The following MMS19 variants were observed in gnomAD, a reference collection of about 807,000 sequenced individuals.
MMS19 encodes the protein MMS19 cytosolic iron-sulfur assembly component, also known as MMS19 nucleotide excision repair protein homolog.
MMS19 carries 77 observed loss-of-function variants against 129.8 expected under a neutral mutation model. The observed-to-expected ratio is 0.59, with a 90% CI of 0.49 to 0.72. MMS19 has a LOEUF of 0.72. Ranked by LOEUF, MMS19 falls within the 30% of genes least tolerant of loss-of-function variation. MMS19 has a pLI of 0.00. For synonymous variants in MMS19, 491 were observed against 502.8 expected (o/e 0.98, Z 0.31); for missense variants, 1,168 against 1,266.3 (o/e 0.92, Z 1.18).
chr10:97,465,704 GA>G, intron 18 of MMS19, 100 bp downstream of exon 18: 1 of 1,167,242 alleles, frequency 8.6e-7, no homozygotes, highest in African/African-American at 1.5e-5. Flanking sequence ...TAAAAGAGTT[GA>G]TTCTGTTACT....
chr10:97,481,521 C>G (rs183883419), intron 2 of MMS19, among the ~76,000 whole-genome samples: 19 of 152,066 alleles, frequency 1.2e-4, no homozygotes, highest in Admixed American at 1.2e-3. Flanking sequence ...CCACCAAGTT[C>G]CTAGAGTAAA....
rs568364268 is a variant in MMS19, at chr10:97,487,521, G to A, written c.113-3370C>T. The stretch of plus-strand genomic sequence containing the variant: ...TTTTTAGTAGAGATGGGGTTTCACC[G>A]TGTTAGCCAGGATGGTCTCGATCTC... On this transcript the variant is annotated intron_variant, in intron 1 of 30. Transcript: ENST00000438925. Among the ~76,000 whole-genome samples, 26 of 151,976 alleles carry A rather than the reference G, an allele frequency of 1.7e-4. 3 individuals carry two copies. The highest frequency in any genetic ancestry group is 5.3e-4 in the African/African-American group (22 of 41,482).
At position 97,482,264 on chromosome 10, in the gene MMS19, T is replaced by C. The variant is rs117647848; in HGVS notation, c.162-1222A>G. On this transcript the variant is annotated intron_variant, in intron 2 of 30. Coordinates refer to ENST00000438925, the MANE Select transcript of MMS19 (RefSeq NM_022362.5). ...ATGCTCATAGCAGCATTATTAGGAA[T>C]AGCCAAAAAGTGGAAACAATCCAGA... is the stretch of plus-strand genomic sequence containing the variant. 8.1e-3 allele frequency among the ~76,000 whole-genome samples: 1,226 copies of C among 152,242 alleles called. 27 individuals are homozygous for C. Among genetic ancestry groups the C allele is most frequent in the East Asian group, 0.074 (381 of 5,182 alleles).
rs754616008 is a variant in MMS19, at chr10:97,468,953, A to G, written c.1063+13T>C. Reference sequence around the variant, plus strand: ...GTGCTCACTCCCCTTCCTGGCTGCCACGGCCCCATTACCCTGTAGAATGTT... The same window carrying G: ...GTGCTCACTCCCCTTCCTGGCTGCCGCGGCCCCATTACCCTGTAGAATGTT... On this transcript the variant is annotated intron_variant, in intron 12 of 30. Coordinates refer to ENST00000438925, the MANE Select transcript of MMS19 (RefSeq NM_022362.5). 1.3e-6 allele frequency: 2 copies of G among 1,581,056 alleles called. No individual in the cohort carries two copies. Among genetic ancestry groups the G allele is most frequent in the East Asian group, 4.6e-5 (2 of 43,360 alleles).
chr10:97,459,153 T>A, intron 29 of MMS19, 70 bp downstream of exon 29: 1 of 1,498,926 alleles, frequency 6.7e-7, no homozygotes, highest in African/African-American at 1.4e-5. Flanking sequence ...CCCACCTGAC[T>A]AAGGCAAAAA....
Position 97,470,814 on chromosome 10 carries a change from A to C in MMS19, c.732T>G (p.Ser244Arg). The C allele has an allele frequency of 6.2e-7, 1 of 1,613,764 alleles. No individual in the cohort carries two copies. The highest frequency in any genetic ancestry group is 8.5e-7 in the Non-Finnish European group (1 of 1,179,770). ...GTGTAGAAGCCAGCACAGCGCGAAG[A>C]CTCAGGATGAGGTCTTCTCTCTGGA... The part of the protein sequence containing the change: ...HGIQREDLIL[S>R]LRAVLASTPR... Residue 244 changes from serine (S) to arginine (R), a missense_variant, in exon 9 of 31, where the codon AGT becomes AGG. Physicochemically the swap from Ser to Arg is moderately radical, Grantham distance 110 (BLOSUM62 -1). Transcript: ENST00000438925.
chr10:97,459,941 A>G, intron 26 of MMS19, 105 bp downstream of exon 26: 1 of 1,265,634 alleles, frequency 7.9e-7, no homozygotes, highest in Non-Finnish European at 1.1e-6. Flanking sequence ...GGCACAGACC[A>G]CAATATAGCT....
chr10:97,461,226 A>G (rs1313930429), intron 23 of MMS19: 3 of 605,420 alleles, frequency 5.0e-6, no homozygotes, highest in East Asian at 5.6e-5. Context: ...TCTACTTCCA[A>G]TAAAGAATTA....
In MMS19 at chr10:97,460,172, G is replaced by A. The variant is rs759888761; in HGVS notation, c.2530C>T (p.Leu844Phe). Residue 844 changes from leucine (L) to phenylalanine (F), a missense_variant, in exon 26 of 31, where the codon CTC becomes TTC. Physicochemically the swap from Leu to Phe is conservative, Grantham distance 22. Around this residue, in one of 3 missense-constraint regions of MMS19, gnomAD observed 831 missense variants for 910.8 expected, o/e 0.91. Transcript: ENST00000438925. Reference sequence around the variant, plus strand: ...AGCACATCAGTGCAGTCAGACATGAGCAGAGAGAAGCCATCAGCTGCTGCT... The same window carrying A: ...AGCACATCAGTGCAGTCAGACATGAACAGAGAGAAGCCATCAGCTGCTGCT... ...GPAAADGFSL[L>F]MSDCTDVLTR... 1.2e-6 allele frequency: 2 copies of A among 1,614,008 alleles called. No homozygotes were observed. Among genetic ancestry groups the A allele is most frequent in the Non-Finnish European group, 1.7e-6 (2 of 1,179,890 alleles).
chr10:97,466,337 G>A (rs574410040), intron 16 of MMS19, among the ~76,000 whole-genome samples, 167 bp downstream of exon 16: 1 of 152,356 alleles, frequency 6.6e-6, no homozygotes, highest in African/African-American at 2.4e-5. Context: ...GAAGAGAGCA[G>A]TCCTACATCT....
chr10:97,491,006 G>T (rs1323360181), intron 1 of MMS19, among the ~76,000 whole-genome samples: 6 of 152,158 alleles, frequency 3.9e-5, no homozygotes, highest in Non-Finnish European at 8.8e-5. Context: ...ACACTTACAT[G>T]AACTGAAACA....
intron 8 of MMS19, among the ~76,000 whole-genome samples, chr10:97,471,853 AC>A (rs2034775229): frequency 6.6e-6 from 1 of 152,190 alleles, no homozygotes; most frequent in South Asian, 2.1e-4. Flanking sequence ...AAAAGATAAA[AC>A]TGTGGAATTC....
In MMS19 at chr10:97,460,675, TG is replaced by T. The variant is rs1389559815; in HGVS notation, c.2469+19del. 1 of 1,576,220 alleles carries T rather than the reference TG, an allele frequency of 6.3e-7. No homozygotes were observed. The highest frequency in any genetic ancestry group is 1.3e-5 in the African/African-American group (1 of 74,148). Reference sequence around the variant, plus strand: ...AGTTTGTTTAGGTCCTGGGTTCTTCTGTCTCCAGAAAGGACGTACCCGGGCT... The same window carrying T: ...AGTTTGTTTAGGTCCTGGGTTCTTCTTCTCCAGAAAGGACGTACCCGGGCT... On this transcript the variant is annotated intron_variant, in intron 25 of 30. Coordinates refer to ENST00000438925, the MANE Select transcript of MMS19 (RefSeq NM_022362.5).
At chr10:97,480,602 G>C (rs571790442) in intron 3 of MMS19, among the ~76,000 whole-genome samples, 1 of 152,138 alleles carries the variant, frequency 6.6e-6, no homozygotes, top group South Asian at 2.1e-4. Flanking sequence ...TCTTTTTTGA[G>C]ATGGAGTCCC....
At chr10:97,486,861 CCA>C (rs1491478574) in intron 1 of MMS19, among the ~76,000 whole-genome samples, 914 of 15,592 alleles carry the variant, frequency 0.059, 18 homozygotes, top group African/African-American at 0.12. Context: ...AATTAAAGTG[CCA>C]TATATATATA....
At chr10:97,474,409 C>T (rs576034798) in intron 8 of MMS19, among the ~76,000 whole-genome samples, 1 of 152,140 alleles carries the variant, frequency 6.6e-6, no homozygotes, top group African/African-American at 2.4e-5. Flanking sequence ...ATTAGTCAGG[C>T]ATGGTGGCAC....
chr10:97,484,016 C>T, intron 2 of MMS19, 87 bp downstream of exon 2: 4 of 830,684 alleles, frequency 4.8e-6, no homozygotes, highest in Non-Finnish European at 7.9e-6. Flanking sequence ...CAAATTCAGG[C>T]TCCAGGAAAG....
chr10:97,461,373 G>A, intron 23 of MMS19, 123 bp downstream of exon 23: 1 of 1,189,518 alleles, frequency 8.4e-7, no homozygotes, highest in Admixed American at 2.3e-5. Context: ...GACAGTGCTT[G>A]AGCAGTTGAA....
At chr10:97,482,735 TATACAC>T (rs772018178) in intron 2 of MMS19, among the ~76,000 whole-genome samples, 4,984 of 137,820 alleles carry the variant, frequency 0.036, 125 homozygotes, top group Non-Finnish European at 0.052. Flanking sequence ...TGTGTATATA[TATACAC>T]ACACACACAC....
Sources: allele counts gnomAD v4.1 joint callset (sites outside exome capture counted in the v4.1 genomes callset), GRCh38; gene constraint gnomAD v4.1.1; regional missense constraint gnomAD v4.1.1; transcripts MANE v1.5; gene names NCBI Gene and HGNC (gene_info 2026-07-23, HGNC 2026-07-21).